TENM3: variants seen among roughly 807,000 people sequenced by gnomAD.
TENM3 encodes the protein teneurin-3.
A neutral mutation model predicts 255.1 loss-of-function variants in TENM3; 63 were observed. The observed-to-expected ratio is 0.25, with a 90% CI of 0.20 to 0.30. The LOEUF (loss-of-function observed/expected upper bound fraction) is 0.30. Among genes scored for constraint, TENM3 ranks in the 10% least tolerant of loss-of-function variants. TENM3 has a pLI of 1.00. For synonymous variants in TENM3, 1,306 were observed against 1,322.3 expected, an observed-to-expected ratio of 0.99 and a Z score of 0.27; for missense variants, 2,929 against 3,461.1, an observed-to-expected ratio of 0.85 and a Z score of 3.86.
chr4:182,182,967 T>G (rs2149747540), intron 1 of TENM3, among the ~76,000 whole-genome samples: 1 of 152,310 alleles, frequency 6.6e-6, no homozygotes, highest in Middle Eastern at 3.4e-3. Flanking sequence ...GAATTTGAAT[T>G]AAATACTTGG....
rs371382063 is a variant in TENM3, at chr4:182,653,798, A to C, written c.1016A>C (p.Gln339Pro). 1.9e-6 allele frequency: 3 copies of C among 1,612,290 alleles called. No individual in the cohort carries two copies. Among genetic ancestry groups the C allele is most frequent in the African/African-American group, 2.7e-5 (2 of 74,854 alleles). ...IAMHLFGLNW[Q>P]LQQTENDTFE... ...ATGCATCTCTTTGGCCTCAACTGGCAGCTACAGCAGACTGAAAATGACACA... is the reference window on the plus strand; with the variant it reads ...ATGCATCTCTTTGGCCTCAACTGGCCGCTACAGCAGACTGAAAATGACACA... Residue 339 changes from glutamine (Q) to proline (P), a missense_variant, in exon 6 of 28, where the codon CAG becomes CCG. Around this residue, in one of 6 missense-constraint regions of TENM3, gnomAD observed 1,608 missense variants for 1,884.4 expected, o/e 0.85. Coordinates refer to ENST00000511685, the MANE Select transcript of TENM3 (RefSeq NM_001080477.4).
chr4:182,434,035 A>C (rs189693047), intron 3 of TENM3, among the ~76,000 whole-genome samples: 1 of 152,032 alleles, frequency 6.6e-6, no homozygotes, highest in African/African-American at 2.4e-5. Flanking sequence ...GATCCTTTGA[A>C]TTTAGGAGTT....
the TENM3 span, among the ~76,000 whole-genome samples, chr4:182,103,086 T>C: frequency 6.6e-6 from 1 of 152,230 alleles, no homozygotes; most frequent in East Asian, 1.9e-4. Context: ...AGTCTAAAAG[T>C]TGACCCACTT....
chr4:182,565,575 C>T (rs189028924), intron 3 of TENM3, among the ~76,000 whole-genome samples: 1 of 152,268 alleles, frequency 6.6e-6, no homozygotes, highest in East Asian at 1.9e-4. Flanking sequence ...ATTAGCATCC[C>T]TCATACCAAT....
upstream of TENM3, among the ~76,000 whole-genome samples, chr4:182,243,153 C>T (rs1223168260): frequency 6.6e-6 from 1 of 152,290 alleles, no homozygotes; most frequent in South Asian, 2.1e-4. Flanking sequence ...TCGCTCTTGT[C>T]GCTCAGGCTG....
chr4:182,738,110 G>A (rs978890329), intron 17 of TENM3, among the ~76,000 whole-genome samples: 7 of 151,908 alleles, frequency 4.6e-5, no homozygotes, highest in Non-Finnish European at 1.0e-4. Context: ...TTACTTAACC[G>A]GCTGCCCAAT....
the TENM3 span, among the ~76,000 whole-genome samples, chr4:181,569,889 A>G: frequency 6.6e-6 from 1 of 152,156 alleles, no homozygotes; most frequent in Non-Finnish European, 1.5e-5. Flanking sequence ...AGTTTTAGAC[A>G]TTCAGGAAGA....
chr4:182,266,514 T>C (rs1759253645), intron 1 of TENM3, among the ~76,000 whole-genome samples: 1 of 152,130 alleles, frequency 6.6e-6, no homozygotes, highest in Admixed American at 6.5e-5. Context: ...ATCTGCTCTT[T>C]CACAAAAAAA....
At chr4:182,680,457 A>G (rs1190821812) in intron 9 of TENM3, 86 bp from the exon 10 acceptor site, 4 of 1,518,596 alleles carry the variant, frequency 2.6e-6, no homozygotes, top group African/African-American at 1.4e-5. Flanking sequence ...AGACTGGCAT[A>G]TTGCTTGTTC....
chr4:182,799,589 C>G lies in TENM3; in HGVS notation c.7345-7C>G, dbSNP rs1766753190. ...CTGACGCGCCCCCTCTTTTGTTTCGCCCGCAGCCCATCTTCGGAGTCCAGC... is the reference window on the plus strand; with the variant it reads ...CTGACGCGCCCCCTCTTTTGTTTCGGCCGCAGCCCATCTTCGGAGTCCAGC... On this transcript the variant is annotated splice_polypyrimidine_tract_variant and splice_region_variant and intron_variant, in intron 27 of 27. Coordinates refer to ENST00000511685, the MANE Select transcript of TENM3 (RefSeq NM_001080477.4). The surrounding 1 kb of genome is among the most constrained non-coding windows in gnomAD (Gnocchi z 4.2). 3.9e-6 allele frequency: 6 copies of G among 1,535,798 alleles called. No homozygotes were observed. The highest frequency in any genetic ancestry group is 2.0e-5 in the Admixed American group (1 of 49,544).
chr4:181,967,141 A>T, the TENM3 span, among the ~76,000 whole-genome samples: 1 of 152,162 alleles, frequency 6.6e-6, no homozygotes, highest in Admixed American at 6.5e-5. Context: ...CAGAAACTGC[A>T]AATTACAGAC....
chr4:182,424,976 T>C (rs1381958435), intron 3 of TENM3, among the ~76,000 whole-genome samples: 3 of 152,202 alleles, frequency 2.0e-5, no homozygotes, highest in East Asian at 1.9e-4. Flanking sequence ...CATGGTGTAA[T>C]GTAGAACAAG....
chr4:181,509,581 G>A, the TENM3 span, among the ~76,000 whole-genome samples: 1 of 152,078 alleles, frequency 6.6e-6, no homozygotes, highest in Non-Finnish European at 1.5e-5. Context: ...CTTCTTGCAG[G>A]TGGTTGGCAC....
chr4:181,487,323 C>G, the TENM3 span, among the ~76,000 whole-genome samples: 1 of 152,074 alleles, frequency 6.6e-6, no homozygotes, highest in African/African-American at 2.4e-5. Flanking sequence ...ATCTGACAAC[C>G]CCACCTGTAT....
At chr4:182,066,648 T>C in the TENM3 span, among the ~76,000 whole-genome samples, 583 of 150,688 alleles carry the variant, frequency 3.9e-3, 6 homozygotes, top group East Asian at 0.035. Flanking sequence ...CGGTGGCTCA[T>C]GCCTATAATC....
chr4:182,571,211 A>G (rs549775389), intron 3 of TENM3, among the ~76,000 whole-genome samples: 15 of 152,264 alleles, frequency 9.9e-5, no homozygotes, highest in Admixed American at 7.2e-4. Context: ...TGCCCTGTTC[A>G]TGTTGTAAAA....
the TENM3 span, among the ~76,000 whole-genome samples, chr4:181,448,501 T>C: frequency 2.0e-5 from 3 of 152,124 alleles, no homozygotes; most frequent in East Asian, 1.9e-4. Context: ...GGGAATTTTA[T>C]ACAGAAGAGG....
chr4:182,313,426 AAT>A (rs1162423949), intron 1 of TENM3, among the ~76,000 whole-genome samples: 3 of 152,044 alleles, frequency 2.0e-5, no homozygotes, highest in Admixed American at 6.6e-5. Flanking sequence ...TAACAACATA[AAT>A]ATATCTTTAT....
the TENM3 span, among the ~76,000 whole-genome samples, chr4:181,788,498 A>T: frequency 6.6e-6 from 1 of 152,186 alleles, no homozygotes; most frequent in Non-Finnish European, 1.5e-5. Context: ...CCGAGGAAAC[A>T]CAGTCAGTCA....
Sources: allele counts gnomAD v4.1 joint callset (sites outside exome capture counted in the v4.1 genomes callset), GRCh38; gene constraint gnomAD v4.1.1; regional missense constraint gnomAD v4.1.1; non-coding constraint Gnocchi (gnomAD v3.1); transcripts MANE v1.5; gene names NCBI Gene and HGNC (gene_info 2026-07-23, HGNC 2026-07-21).